Variants in CDC42SE2 observed in about 807,000 individuals in gnomAD.
The protein encoded by CDC42SE2 is CDC42 small effector 2.
A neutral mutation model predicts 11.5 loss-of-function variants in CDC42SE2; 3 were observed. The ratio of observed to expected loss-of-function variants is 0.26; its 90% confidence interval spans 0.12 to 0.67. The LOEUF (loss-of-function observed/expected upper bound fraction) is 0.67. Among genes scored for constraint, CDC42SE2 ranks in the 30% least tolerant of loss-of-function variants. CDC42SE2 has a pLI of 0.80. For missense variants in CDC42SE2, 82 were observed against 106.8 expected (o/e 0.77, Z 1.02); for synonymous variants, 33 against 34.8 (o/e 0.95, Z 0.18).
intron 2 of CDC42SE2, among the ~76,000 whole-genome samples, chr5:131,357,981 C>G (rs1186724239): frequency 2.0e-5 from 3 of 152,190 alleles, no homozygotes; most frequent in African/African-American, 7.2e-5. Context: ...CCAGTGACAC[C>G]ACATTTAACG....
Position 131,394,629 on chromosome 5 carries a change from G to T in CDC42SE2, c.*3538G>T, listed in dbSNP as rs1369794669. On this transcript the variant is annotated 3_prime_UTR_variant, in exon 5 of 5. Coordinates refer to ENST00000505065, the MANE Select transcript of CDC42SE2 (RefSeq NM_001375635.1). ...TGTGTTGGCTTGTAGATACTAAAAA[G>T]AAAGTATTGATTTTGATTCAATAAA... 6.6e-6 allele frequency: 1 copy of T among 152,226 alleles called. No homozygotes were observed. Among genetic ancestry groups the T allele is most frequent in the Non-Finnish European group, 1.5e-5 (1 of 68,000 alleles). The allele number at this position is 152,226 out of a possible 1,614,324, so 9.4% of individuals were successfully genotyped here.
chr5:131,380,280 G>C (rs1750282273), intron 3 of CDC42SE2, among the ~76,000 whole-genome samples: 2 of 151,976 alleles, frequency 1.3e-5, no homozygotes, highest in African/African-American at 2.4e-5. Flanking sequence ...CTCTTCCAGA[G>C]CCCCAAGTCC....
the CDC42SE2 span, among the ~76,000 whole-genome samples, chr5:131,220,401 T>G: frequency 6.6e-6 from 1 of 152,024 alleles, no homozygotes; most frequent in African/African-American, 2.4e-5. Flanking sequence ...GAGAAGGGGT[T>G]TCACCGTGTT....
chr5:131,334,709 A>G (rs566344037), intron 2 of CDC42SE2, among the ~76,000 whole-genome samples: 3 of 152,036 alleles, frequency 2.0e-5, no homozygotes, highest in Non-Finnish European at 2.9e-5. Flanking sequence ...TGTATGTGTC[A>G]AGGAATTTAT....
chr5:131,387,049 A>G (rs2149789812), intron 4 of CDC42SE2, among the ~76,000 whole-genome samples: 1 of 152,348 alleles, frequency 6.6e-6, no homozygotes, highest in East Asian at 1.9e-4. Flanking sequence ...TGGAAATGCA[A>G]GAGGTATCAT....
chr5:131,295,339 G>C (rs1000742800), intron 1 of CDC42SE2, among the ~76,000 whole-genome samples: 1 of 151,728 alleles, frequency 6.6e-6, no homozygotes, highest in Non-Finnish European at 1.5e-5. Context: ...AGCTATTACA[G>C]CATCATCGTG....
At chr5:131,307,746 A>C (rs1205028937) in intron 1 of CDC42SE2, among the ~76,000 whole-genome samples, 1 of 152,138 alleles carries the variant, frequency 6.6e-6, no homozygotes. Flanking sequence ...CTGACTTTTT[A>C]ATGATTACCA....
At position 131,392,986 on chromosome 5, in the gene CDC42SE2, T is replaced by TTTGTC. The variant is rs1377119192; in HGVS notation, c.*1896_*1900dup. 6.6e-6 allele frequency: 1 copy of TTTGTC among 152,366 alleles called. No individual in the cohort carries two copies. The highest frequency in any genetic ancestry group is 1.5e-5 in the Non-Finnish European group (1 of 68,032). The allele number at this position is 152,366 out of a possible 1,614,324, so 9.4% of individuals were successfully genotyped here. Reference sequence around the variant, plus strand: ...GCCTTTGCTCAGGTTCTAAAATATGTTTGTCCTTGCACGAATTTTGTATAT... The same window carrying TTTGTC: ...GCCTTTGCTCAGGTTCTAAAATATGTTTGTCTTGTCCTTGCACGAATTTTGTATAT... On this transcript the variant is annotated 3_prime_UTR_variant, in exon 5 of 5. Coordinates refer to ENST00000505065, the MANE Select transcript of CDC42SE2 (RefSeq NM_001375635.1).
chr5:131,218,627 C>G, the CDC42SE2 span, among the ~76,000 whole-genome samples: 1 of 151,930 alleles, frequency 6.6e-6, no homozygotes, highest in Non-Finnish European at 1.5e-5. Context: ...ATGACTAATA[C>G]GTAGAAAGAG....
intron 1 of CDC42SE2, among the ~76,000 whole-genome samples, chr5:131,313,559 A>G (rs1457678001): frequency 6.6e-6 from 1 of 152,008 alleles, no homozygotes; most frequent in Non-Finnish European, 1.5e-5. Context: ...TTCCAGCTTC[A>G]TTTGTTGAGA....
intron 2 of CDC42SE2, among the ~76,000 whole-genome samples, chr5:131,331,477 A>G (rs1392793750): frequency 1.3e-5 from 2 of 152,210 alleles, no homozygotes. Flanking sequence ...CTGTGGGTTC[A>G]TCATTTCCAA....
At chr5:131,283,264 C>T (rs1004358642) in intron 1 of CDC42SE2, among the ~76,000 whole-genome samples, 5 of 151,948 alleles carry the variant, frequency 3.3e-5, no homozygotes, top group Non-Finnish European at 4.4e-5. Context: ...GTTGTACAAC[C>T]GTTGCTACTA....
intron 1 of CDC42SE2, among the ~76,000 whole-genome samples, chr5:131,310,236 T>C (rs1757874484): frequency 6.6e-6 from 1 of 152,044 alleles, no homozygotes; most frequent in Admixed American, 6.6e-5. Context: ...GGTTGTTCAG[T>C]TTCCATGTAG....
At chr5:131,351,465 A>AG (rs1241805338) in intron 2 of CDC42SE2, among the ~76,000 whole-genome samples, 1 of 152,148 alleles carries the variant, frequency 6.6e-6, no homozygotes, top group East Asian at 1.9e-4. Flanking sequence ...CATGTTAGCC[A>AG]GGATGGTCTC....
intron 1 of CDC42SE2, among the ~76,000 whole-genome samples, chr5:131,311,096 T>C (rs1416653645): frequency 6.6e-6 from 1 of 152,080 alleles, no homozygotes; most frequent in African/African-American, 2.4e-5. Context: ...TTCCTTTCCA[T>C]GTTTAGTGCT....
At chr5:131,379,198 C>T (rs1460829404) in intron 3 of CDC42SE2, among the ~76,000 whole-genome samples, 1 of 152,196 alleles carries the variant, frequency 6.6e-6, no homozygotes, top group Non-Finnish European at 1.5e-5. Context: ...CAGCTTTTTT[C>T]ACTGTCCCAG....
At chr5:131,331,661 T>A (rs996793870) in intron 2 of CDC42SE2, among the ~76,000 whole-genome samples, 1 of 152,194 alleles carries the variant, frequency 6.6e-6, no homozygotes. Context: ...TTTTAAAATG[T>A]AGAACATACA....
chr5:131,266,675 C>T (rs1756873237), intron 1 of CDC42SE2, among the ~76,000 whole-genome samples: 1 of 151,972 alleles, frequency 6.6e-6, no homozygotes, highest in African/African-American at 2.4e-5. Context: ...CCAGGCTGGT[C>T]TCGAACTCCT....
intron 2 of CDC42SE2, among the ~76,000 whole-genome samples, chr5:131,319,069 G>T (rs191864699): frequency 6.6e-6 from 1 of 151,870 alleles, no homozygotes; most frequent in Non-Finnish European, 1.5e-5. Context: ...TCCTGGCCAA[G>T]TTTTTTTGTA....
Sources: gnomAD v4.1 joint callset for allele counts (sites outside exome capture counted in the v4.1 genomes callset) on GRCh38, gnomAD v4.1.1 for gene constraint, MANE v1.5 for transcripts, NCBI Gene and HGNC (gene_info 2026-07-23, HGNC 2026-07-21) for gene names.